Variants in INSR observed in about 807,000 individuals in gnomAD.
INSR encodes the protein IR.
Under a neutral mutation model 142.6 loss-of-function variants are expected in INSR, and 67 were observed. That is an observed-to-expected ratio of 0.47 (90% CI 0.39 to 0.58). The LOEUF (loss-of-function observed/expected upper bound fraction) is 0.58, where lower values mean the gene tolerates loss of function less well. Ranked by LOEUF, INSR falls within the 20% of genes least tolerant of loss-of-function variation. The pLI is 0.00. For synonymous variants in INSR, 756 were observed against 743.1 expected (o/e 1.02, Z -0.28); for missense variants, 1,248 against 1,833.2 (o/e 0.68, Z 5.83).
At position 7,162,326 on chromosome 19, in the gene INSR, CAA is replaced by C. The variant is rs34182944; in HGVS notation, c.2029+704_2029+705del. ...TGGGTGACAGAGTGAGACCCTGTCT[CAA>C]AAAAAAAAAAAAAAAAAAAAATTAC... On this transcript the variant is annotated intron_variant, in intron 9 of 21. Transcript: ENST00000302850. 8.8e-3 allele frequency among the ~76,000 whole-genome samples: 557 copies of C among 63,054 alleles called. 4 individuals carry two copies. The highest frequency in any genetic ancestry group is 0.042 in the Middle Eastern group (3 of 72). The allele number at this position is 63,054 out of a possible 152,430, so 41.4% of individuals were successfully genotyped here. A position where few individuals can be genotyped will look rare whatever the true frequency, so the allele number is the denominator to read the frequency against.
At chr19:7,133,192 G>A (rs560033278) in intron 13 of INSR, among the ~76,000 whole-genome samples, 112 of 152,258 alleles carry the variant, frequency 7.4e-4, no homozygotes, top group Non-Finnish European at 1.4e-3. Context: ...AGCCCAGGAG[G>A]TCAAGGGTGC....
chr19:7,153,043 ACACACCCCCC>A (rs1258727524), intron 9 of INSR, 116 bp from the exon 10 acceptor site: 3 of 362,846 alleles, frequency 8.3e-6, no homozygotes, highest in Admixed American at 1.5e-4. Context: ...CACACACACC[ACACACCCCCC>A]CACACACACA....
chr19:7,254,061 A>C (rs1294247722), intron 2 of INSR, among the ~76,000 whole-genome samples: 1 of 151,392 alleles, frequency 6.6e-6, no homozygotes, highest in Non-Finnish European at 1.5e-5. Flanking sequence ...AGAAAAGAAA[A>C]AAGGAAAAGG....
In INSR at chr19:7,170,599, C is replaced by T. The variant is rs1973995577; in HGVS notation, c.1421G>A (p.Gly474Glu). 6.2e-7 allele frequency: 1 copy of T among 1,613,604 alleles called. No individual in the cohort carries two copies. Among genetic ancestry groups the T allele is most frequent in the Non-Finnish European group, 8.5e-7 (1 of 1,179,944 alleles). ...GTTTCTCTCCTGGCGCCCCTTGGTT[C>T]CTGAAACTTCTTCCATCTTGTGGAT... is the stretch of plus-strand genomic sequence containing the variant. ...SEIHKMEEVS[G>E]TKGRQERNDI... The change falls in exon 6 of 22, where the codon GGA becomes GAA. Residue 474 changes from glycine to glutamate, a missense_variant. By Grantham distance (98) the Gly-to-Glu change is moderately conservative (BLOSUM62 -2). Transcript: ENST00000302850.
chr19:7,229,390 G>A (rs2145122248), intron 2 of INSR, among the ~76,000 whole-genome samples: 1 of 148,040 alleles, frequency 6.8e-6, no homozygotes, highest in South Asian at 2.1e-4. Flanking sequence ...AGATGAGCAA[G>A]GGAGTGATAG....
At chr19:7,151,167 T>TTC (rs1357135853) in intron 10 of INSR, among the ~76,000 whole-genome samples, 191 of 4,354 alleles carry the variant, frequency 0.044, 1 homozygote, top group Admixed American at 0.083. Context: ...TCTTTCTCTT[T>TTC]CTTTCTTTCT....
chr19:7,186,698 T>C (rs927158944), intron 2 of INSR, among the ~76,000 whole-genome samples: 1 of 152,112 alleles, frequency 6.6e-6, no homozygotes, highest in Non-Finnish European at 1.5e-5. Flanking sequence ...TCTTTTTCTT[T>C]TCTTTTTTTT....
At position 7,269,210 on chromosome 19, in the gene INSR, T is replaced by TAA. The variant is rs11395249; in HGVS notation, c.101-1316_101-1315dup. Among the ~76,000 whole-genome samples the TAA allele has an allele frequency of 2.6e-3, 339 of 130,990 alleles. 2 individuals carry two copies. Among genetic ancestry groups the TAA allele is most frequent in the African/African-American group, 7.0e-3 (252 of 35,810 alleles). The allele number at this position is 130,990 out of a possible 152,430, so 85.9% of individuals were successfully genotyped here. A position where few individuals can be genotyped will look rare whatever the true frequency, so the allele number is the denominator to read the frequency against. On this transcript the variant is annotated intron_variant, in intron 1 of 21. Transcript: ENST00000302850. ...TTCTAAAGAAGAATAGTAAATCCTCTAAAAAAAAAAAAAATCCACCCTGAG... is the reference window on the plus strand; with the variant it reads ...TTCTAAAGAAGAATAGTAAATCCTCTAAAAAAAAAAAAAAAATCCACCCTGAG...
At position 7,212,899 on chromosome 19, in the gene INSR, C is replaced by T. The variant is rs990321282; in HGVS notation, c.653-28262G>A. Reference sequence around the variant, plus strand: ...ACTGTGTCCAGCCAGAGAGAAAGTTCCATCTGCTTCTGTACCACCCTCTAG... The same window carrying T: ...ACTGTGTCCAGCCAGAGAGAAAGTTTCATCTGCTTCTGTACCACCCTCTAG... On this transcript the variant is annotated intron_variant, in intron 2 of 21. Coordinates refer to ENST00000302850, the MANE Select transcript of INSR (RefSeq NM_000208.4). Among the ~76,000 whole-genome samples, 9 of 151,938 alleles carry T rather than the reference C, an allele frequency of 5.9e-5. 1 individual carries two copies. The South Asian group carries it at 1.9e-3, about 31-fold the overall frequency.
intron 2 of INSR, among the ~76,000 whole-genome samples, chr19:7,185,179 TAA>T (rs1261143099): frequency 6.6e-6 from 1 of 152,232 alleles, no homozygotes; most frequent in Non-Finnish European, 1.5e-5. Flanking sequence ...TTTGTTAATT[TAA>T]AAACTTTTGT....
At chr19:7,201,480 C>G (rs1302693977) in intron 2 of INSR, among the ~76,000 whole-genome samples, 1 of 151,266 alleles carries the variant, frequency 6.6e-6, no homozygotes, top group African/African-American at 2.4e-5. Flanking sequence ...CAAAAATTAG[C>G]TGGGTGTGGT....
intron 2 of INSR, among the ~76,000 whole-genome samples, chr19:7,250,652 G>A (rs867095746): frequency 2.0e-5 from 3 of 151,750 alleles, no homozygotes; most frequent in East Asian, 1.9e-4. Flanking sequence ...TCGGGCAACC[G>A]TGTTTAAAAA....
intron 2 of INSR, among the ~76,000 whole-genome samples, chr19:7,222,200 G>T (rs1265685890): frequency 6.6e-6 from 1 of 151,340 alleles, no homozygotes; most frequent in Non-Finnish European, 1.5e-5. Context: ...GAAAGAGGGC[G>T]ACAGAGACTC....
rs1973568531 is a variant in INSR, at chr19:7,155,567, A to T, written c.2030-2640T>A. 2.1e-5 allele frequency among the ~76,000 whole-genome samples: 3 copies of T among 145,192 alleles called. No individual in the cohort carries two copies. In the South Asian group the frequency reaches 6.6e-4, roughly 32 times the overall value. On this transcript the variant is annotated intron_variant, in intron 9 of 21. Coordinates refer to ENST00000302850, the MANE Select transcript of INSR (RefSeq NM_000208.4). ...AAAAAAAAAAAAAAAATCTCTGGAA[A>T]CCAATATAGCTGGAAGGGGGTGAGA...
intron 13 of INSR, among the ~76,000 whole-genome samples, chr19:7,140,931 C>A (rs149639908): frequency 4.3e-4 from 66 of 152,252 alleles, no homozygotes; most frequent in Middle Eastern, 3.4e-3. Context: ...TGTTTGGGTT[C>A]TTTTGGGTTA....
chr19:7,279,427 C>G (rs530769678), intron 1 of INSR, among the ~76,000 whole-genome samples: 1 of 150,590 alleles, frequency 6.6e-6, no homozygotes, highest in Non-Finnish European at 1.5e-5. Context: ...GACTTCATAC[C>G]CAGGAGAAAT....
chr19:7,197,948 T>C (rs1347964050), intron 2 of INSR, among the ~76,000 whole-genome samples: 3 of 124,610 alleles, frequency 2.4e-5, no homozygotes, highest in Non-Finnish European at 4.8e-5. Context: ...TGTGTGTGTG[T>C]CCCCATGGTG....
chr19:7,239,471 C>T (rs1204788324), intron 2 of INSR, among the ~76,000 whole-genome samples: 1 of 152,170 alleles, frequency 6.6e-6, no homozygotes, highest in African/African-American at 2.4e-5. Flanking sequence ...GCCTTGCCCA[C>T]ATTTGACATA....
intron 2 of INSR, among the ~76,000 whole-genome samples, chr19:7,214,019 C>T (rs759960545): frequency 3.3e-5 from 5 of 151,696 alleles, no homozygotes; most frequent in African/African-American, 4.9e-5. Flanking sequence ...GATACAGACA[C>T]TTTAACTTCC....
Sources: allele counts gnomAD v4.1 joint callset (sites outside exome capture counted in the v4.1 genomes callset), GRCh38; gene constraint gnomAD v4.1.1; transcripts MANE v1.5; gene names NCBI Gene and HGNC (gene_info 2026-07-23, HGNC 2026-07-21).